Variants in STK3 observed in about 807,000 individuals in gnomAD.
STK3 encodes serine/threonine-protein kinase 3.
STK3 carries 41 observed loss-of-function variants against 58.0 expected under a neutral mutation model. The observed-to-expected ratio is 0.71, with a 90% CI of 0.55 to 0.92. STK3 has a LOEUF of 0.92. Ranked by LOEUF, STK3 falls within the 40% of genes least tolerant of loss-of-function variation. The pLI, the probability that STK3 is intolerant of heterozygous loss-of-function variation, is 0.00. For missense variants in STK3, 479 were observed against 602.7 expected (o/e 0.79, Z 2.15); for synonymous variants, 170 against 191.0 (o/e 0.89, Z 0.91).
intron 6 of STK3, among the ~76,000 whole-genome samples, chr8:98,600,216 G>C (rs955982796): frequency 6.6e-6 from 1 of 152,166 alleles, no homozygotes; most frequent in South Asian, 2.1e-4. Context: ...TTAAGGGAGA[G>C]GGTGCAGCTG....
chr8:98,771,997 T>C (rs942317780), intron 2 of STK3, among the ~76,000 whole-genome samples: 12 of 152,158 alleles, frequency 7.9e-5, no homozygotes, highest in African/African-American at 2.9e-4. Context: ...GTTCTTTAAG[T>C]AAGCACTAAG....
intron 2 of STK3, among the ~76,000 whole-genome samples, chr8:98,373,988 T>A (rs1002151570): frequency 1.3e-5 from 2 of 152,212 alleles, no homozygotes; most frequent in African/African-American, 4.8e-5. Flanking sequence ...GGCCTCTGTT[T>A]TTCTAGATCT....
chr8:98,860,058 G>A (rs550499443), intron 3 of STK3, among the ~76,000 whole-genome samples: 2 of 152,272 alleles, frequency 1.3e-5, no homozygotes, highest in South Asian at 2.1e-4. Context: ...CAACTAACAT[G>A]TATTGAGTAC....
At chr8:98,464,175 T>A (rs1421283876) in intron 10 of STK3, among the ~76,000 whole-genome samples, 2 of 152,164 alleles carry the variant, frequency 1.3e-5, no homozygotes, top group Non-Finnish European at 1.5e-5. Flanking sequence ...ATCAACAGAA[T>A]GGCTAACAAC....
intron 8 of STK3, among the ~76,000 whole-genome samples, chr8:98,565,204 G>T (rs990202592): frequency 6.6e-6 from 1 of 152,088 alleles, no homozygotes; most frequent in Non-Finnish European, 1.5e-5. Flanking sequence ...AAAAAATCCT[G>T]ATGCCTAGGC....
At chr8:98,909,151 A>C (rs1839037606) in intron 1 of STK3, among the ~76,000 whole-genome samples, 1 of 152,106 alleles carries the variant, frequency 6.6e-6, no homozygotes, top group Non-Finnish European at 1.5e-5. Flanking sequence ...ACAGAGTGAG[A>C]CTCTGTCTCA....
intron 6 of STK3, among the ~76,000 whole-genome samples, chr8:98,605,174 C>T (rs1423525985): frequency 1.3e-5 from 2 of 152,186 alleles, no homozygotes; most frequent in African/African-American, 2.4e-5. Flanking sequence ...CCAGCCTCTG[C>T]CTGTTACCCA....
At chr8:98,584,128 A>C (rs1814217595) in intron 7 of STK3, among the ~76,000 whole-genome samples, 2 of 150,342 alleles carry the variant, frequency 1.3e-5, no homozygotes, top group South Asian at 4.2e-4. Flanking sequence ...TTTAAGTTTT[A>C]GGGTACATGT....
At chr8:98,710,118 A>G (rs868233641) in intron 4 of STK3, among the ~76,000 whole-genome samples, 2 of 152,066 alleles carry the variant, frequency 1.3e-5, no homozygotes. Flanking sequence ...AGAAAATTCT[A>G]AAGATTCCAC....
At chr8:98,451,125 T>G (rs536718333), downstream of STK3, among the ~76,000 whole-genome samples, 1 of 152,290 alleles carries the variant, frequency 6.6e-6, no homozygotes, top group African/African-American at 2.4e-5. Context: ...AAATTATTAT[T>G]ATTGTTGTTA....
the STK3 span, among the ~76,000 whole-genome samples, chr8:98,344,538 T>C: frequency 1.3e-5 from 2 of 152,052 alleles, no homozygotes; most frequent in Admixed American, 1.3e-4. Flanking sequence ...TTAGAGTGGG[T>C]TGGGCAAACT....
chr8:98,413,312 G>A, intron 3 of STK3: 1 of 477,104 alleles, frequency 2.1e-6, no homozygotes, highest in Non-Finnish European at 4.1e-6. Context: ...ACCATGCCTG[G>A]CCTAATTTTG....
At chr8:98,893,425 A>G (rs74906903) in intron 1 of STK3, among the ~76,000 whole-genome samples, 1,404 of 54,078 alleles carry the variant, frequency 0.026, 5 homozygotes, top group Middle Eastern at 0.066. Context: ...AAGGAAGGAA[A>G]GAAAGAAAGA....
chr8:98,825,706 G>C (rs1484502699), upstream of STK3: 2 of 1,026,378 alleles, frequency 1.9e-6, no homozygotes, highest in East Asian at 1.5e-4. Flanking sequence ...GCTTAGGAGC[G>C]CGGCTCCTCC....
upstream of STK3, among the ~76,000 whole-genome samples, chr8:98,393,098 G>A (rs569855139): frequency 5.3e-5 from 8 of 152,280 alleles, no homozygotes; most frequent in South Asian, 1.7e-3. Flanking sequence ...CTAATATGCA[G>A]GAGGCTAGGA....
intron 1 of STK3, chr8:98,905,515 G>T (rs910969133): frequency 8.9e-7 from 1 of 1,119,322 alleles, no homozygotes; most frequent in South Asian, 1.2e-5. Flanking sequence ...TGCAAGTTGT[G>T]TATGGTATCC....
chr8:98,379,368 T>C (rs1817709128), intron 1 of STK3, among the ~76,000 whole-genome samples: 1 of 152,220 alleles, frequency 6.6e-6, no homozygotes, highest in Non-Finnish European at 1.5e-5. Context: ...TTAAAACAAT[T>C]ATTAGCACGT....
chr8:98,693,158 A>G (rs1824535045), intron 6 of STK3, among the ~76,000 whole-genome samples: 1 of 152,162 alleles, frequency 6.6e-6, no homozygotes, highest in South Asian at 2.1e-4. Flanking sequence ...GCACTTTGGG[A>G]GGCCAAGGCA....
At chr8:98,912,999 C>A (rs1248564111) in intron 1 of STK3, among the ~76,000 whole-genome samples, 1 of 152,136 alleles carries the variant, frequency 6.6e-6, no homozygotes, top group Non-Finnish European at 1.5e-5. Flanking sequence ...CCTCCACCTC[C>A]TGGGTTCAAG....
Sources: gnomAD v4.1 joint callset for allele counts (sites outside exome capture counted in the v4.1 genomes callset) on GRCh38, gnomAD v4.1.1 for gene constraint, MANE v1.5 for transcripts, NCBI Gene and HGNC (gene_info 2026-07-23, HGNC 2026-07-21) for gene names.